The following SDHAF2 variants were observed in gnomAD, a reference collection of about 807,000 sequenced individuals.
SDHAF2 encodes the protein succinate dehydrogenase assembly factor 2, mitochondrial.
A neutral mutation model predicts 18.5 loss-of-function variants in SDHAF2; 21 were observed. The ratio of observed to expected loss-of-function variants is 1.13; its 90% CI spans 0.80 to 1.63. SDHAF2 has a LOEUF of 1.63. SDHAF2 is among the 40% of genes most tolerant of loss of function. The pLI is 0.00. For synonymous variants in SDHAF2, 84 were observed against 70.7 expected, an observed-to-expected ratio of 1.19 and a Z score of -0.94; for missense variants, 195 against 200.3, an observed-to-expected ratio of 0.97 and a Z score of 0.16.
intron 3 of SDHAF2, among the ~76,000 whole-genome samples, chr11:61,442,831 A>T (rs1476841237): frequency 2.0e-5 from 3 of 152,240 alleles, no homozygotes; most frequent in African/African-American, 7.2e-5. Context: ...TTGGCTCACT[A>T]CAACCTCTGC....
At chr11:61,444,570 TA>T (rs879733894) in intron 3 of SDHAF2, 205 of 143,070 alleles carry the variant, frequency 1.4e-3, no homozygotes, top group Middle Eastern at 3.6e-3. Context: ...CCATCTCTAC[TA>T]AAAAAAAAAA....
At chr11:61,444,828 T>G (rs953507408) in intron 3 of SDHAF2, among the ~76,000 whole-genome samples, 1 of 152,234 alleles carries the variant, frequency 6.6e-6, no homozygotes, top group Non-Finnish European at 1.5e-5. Context: ...CTGCCACAGG[T>G]GAGCAAGTGC....
rs368230391 is a variant in SDHAF2, at chr11:61,440,325, G to A, written c.370+2212G>A. ...TTCAAAAAAATAAATAGGGCTGGGCGCGGTGAGTCAACACCTGTAATCCCA... is the reference window on the plus strand; with the variant it reads ...TTCAAAAAAATAAATAGGGCTGGGCACGGTGAGTCAACACCTGTAATCCCA... On this transcript the variant is annotated intron_variant, in intron 3 of 3. Transcript: ENST00000301761. Among the ~76,000 whole-genome samples the A allele has an allele frequency of 1.3e-4, 20 of 151,558 alleles. No individual in the cohort carries two copies. The East Asian group carries it at 2.5e-3, about 19-fold the overall frequency.
chr11:61,442,437 C>T (rs1862079308), intron 3 of SDHAF2, among the ~76,000 whole-genome samples: 1 of 152,136 alleles, frequency 6.6e-6, no homozygotes, highest in Admixed American at 6.5e-5. Context: ...ACGAGGTCTG[C>T]TGTATCTTTG....
At chr11:61,430,312 G>A in intron 1 of SDHAF2, 130 bp downstream of exon 1, 2 of 1,150,166 alleles carry the variant, frequency 1.7e-6, no homozygotes, top group Non-Finnish European at 2.6e-6. Flanking sequence ...GGCCCAGGGA[G>A]AGGCCGATCC....
chr11:61,434,327 C>G (rs929723209), intron 1 of SDHAF2: 1 of 152,156 alleles, frequency 6.6e-6, no homozygotes, highest in African/African-American at 2.4e-5. Context: ...TACAGGCACG[C>G]GCCACCATGC....
chr11:61,440,470 G>A (rs1174288527), intron 3 of SDHAF2, among the ~76,000 whole-genome samples: 1 of 151,962 alleles, frequency 6.6e-6, no homozygotes, highest in Non-Finnish European at 1.5e-5. Context: ...GTGTGGTGGC[G>A]GGTTCCTGTA....
At chr11:61,436,239 A>AG (rs1411987362) in intron 1 of SDHAF2, 1 of 153,364 alleles carries the variant, frequency 6.5e-6, no homozygotes, top group African/African-American at 2.4e-5. Context: ...GATCAGCAGC[A>AG]GGCCACCCAG....
chr11:61,445,174 AG>A, intron 3 of SDHAF2, among the ~76,000 whole-genome samples: 1 of 152,210 alleles, frequency 6.6e-6, no homozygotes, highest in East Asian at 1.9e-4. Flanking sequence ...GTAATTCTGG[AG>A]CACATTGCCT....
chr11:61,434,721 T>C (rs1861973805), intron 1 of SDHAF2: 1 of 120,088 alleles, frequency 8.3e-6, no homozygotes, highest in African/African-American at 2.9e-5. Context: ...TAATTTATTT[T>C]AATTTTTTAA....
chr11:61,444,825 A>T (rs1404639372), intron 3 of SDHAF2, among the ~76,000 whole-genome samples: 1 of 152,234 alleles, frequency 6.6e-6, no homozygotes, highest in Admixed American at 6.5e-5. Context: ...TGCCTGCCAC[A>T]GGTGAGCAAG....
chr11:61,434,830 C>G (rs1324415106), intron 1 of SDHAF2: 1 of 150,030 alleles, frequency 6.7e-6, no homozygotes, highest in Non-Finnish European at 1.5e-5. Flanking sequence ...CCTGGGTTCA[C>G]GCCATTCTTC....
chr11:61,445,132 C>T (rs1018843767), intron 3 of SDHAF2, among the ~76,000 whole-genome samples: 1 of 152,148 alleles, frequency 6.6e-6, no homozygotes, highest in Non-Finnish European at 1.5e-5. Flanking sequence ...GGAATTCTCT[C>T]TCCTGGCGTC....
At chr11:61,432,646 C>G (rs1433142452) in intron 1 of SDHAF2, 4 of 151,752 alleles carry the variant, frequency 2.6e-5, no homozygotes, top group Non-Finnish European at 5.9e-5. Flanking sequence ...GTCTTACAAC[C>G]TTTTTGCTCC....
rs1337661888 is a variant in SDHAF2, at chr11:61,430,162, G to A, written c.16G>A (p.Val6Met). The A allele has an allele frequency of 1.9e-6, 3 of 1,614,116 alleles. No individual in the cohort carries two copies. Among genetic ancestry groups the A allele is most frequent in the African/African-American group, 1.3e-5 (1 of 74,958 alleles). The change falls in exon 1 of 4, where the codon GTG becomes ATG. Residue 6 changes from valine to methionine, a missense_variant. Coordinates refer to ENST00000301761, the MANE Select transcript of SDHAF2 (RefSeq NM_017841.4). MAVST[V>M]FSTSSLMLAL... is the part of the protein sequence containing the mutation. ...GGTGGGGAAAATGGCGGTGTCTACAGTGTTCTCGACTTCGTCGCTGGTGAG... is the reference window on the plus strand; with the variant it reads ...GGTGGGGAAAATGGCGGTGTCTACAATGTTCTCGACTTCGTCGCTGGTGAG...
In SDHAF2 at chr11:61,442,818, A is replaced by G. The variant is rs144162399; in HGVS notation, c.371-3123A>G. ...ACCAAGGCTGGAGAGCAGTGGCGCA[A>G]TCTTGGCTCACTACAACCTCTGCCT... On this transcript the variant is annotated intron_variant, in intron 3 of 3. Coordinates refer to ENST00000301761, the MANE Select transcript of SDHAF2 (RefSeq NM_017841.4). Among the ~76,000 whole-genome samples, 1,237 of 152,258 alleles carry G rather than the reference A, an allele frequency of 8.1e-3. 20 individuals carry two copies. Among genetic ancestry groups the G allele is most frequent in the African/African-American group, 0.028 (1,154 of 41,530 alleles).
In SDHAF2 at chr11:61,437,741, T is replaced by G. The variant is rs769950627; in HGVS notation, c.153T>G (p.Pro51=). 2.5e-6 allele frequency: 4 copies of G among 1,614,194 alleles called. No individual in the cohort carries two copies. The South Asian group carries it at 3.3e-5, about 13-fold the overall frequency. The change falls in exon 2 of 4, where the codon CCT becomes CCG. Residue 51 remains proline (P), a synonymous_variant. Transcript: ENST00000301761. ...CCCAAAAGGACATGATTGAAATCCC[T>G]TTGCCTCCATGGCAGGAGAGAACTG... is the stretch of plus-strand genomic sequence containing the variant. The part of the protein sequence containing the change: ...TDSQKDMIEI[P]LPPWQERTDE...
rs988733586 is a variant in SDHAF2 at position 61,437,547 on chromosome 11, C to T, written c.37-78C>T. ...ACTAAATGTGATTGAATGCATTCAG[C>T]ACCTAGTAAGCATTGAGTAAATGAT... is the stretch of plus-strand genomic sequence containing the variant. On this transcript the variant is annotated intron_variant, in intron 1 of 3. Transcript: ENST00000301761. 5 of 1,226,404 alleles carry T rather than the reference C, an allele frequency of 4.1e-6. No homozygotes were observed. In the Admixed American group the frequency reaches 5.0e-5, roughly 12 times the overall value. 76.0% of individuals were successfully genotyped at this position (1,226,404 alleles called of 1,614,324 possible).
intron 3 of SDHAF2, among the ~76,000 whole-genome samples, chr11:61,444,698 G>A (rs1168322894): frequency 6.6e-6 from 1 of 152,146 alleles, no homozygotes; most frequent in Non-Finnish European, 1.5e-5. Flanking sequence ...AGTCCAGATC[G>A]CACCACTGCA....
Sources: gnomAD v4.1 joint callset for allele counts (sites outside exome capture counted in the v4.1 genomes callset) on GRCh38, gnomAD v4.1.1 for gene constraint, MANE v1.5 for transcripts, NCBI Gene and HGNC (gene_info 2026-07-23, HGNC 2026-07-21) for gene names.